Variants in FAM184B observed in about 807,000 individuals in gnomAD.
The protein encoded by FAM184B is family with sequence similarity 184 member B.
FAM184B carries 111 observed loss-of-function variants against 135.9 expected under a neutral mutation model. The observed-to-expected ratio is 0.82, with a 90% CI of 0.70 to 0.96. FAM184B has a LOEUF of 0.96. Among genes scored for constraint, FAM184B ranks in the 40% least tolerant of loss-of-function variants. FAM184B has a pLI of 0.00. For synonymous variants in FAM184B, 552 were observed against 524.8 expected (o/e 1.05, Z -0.71); for missense variants, 1,375 against 1,323.9 (o/e 1.04, Z -0.60).
intron 6 of FAM184B, among the ~76,000 whole-genome samples, chr4:17,691,289 A>C (rs577760403): frequency 6.6e-6 from 1 of 152,310 alleles, no homozygotes; most frequent in South Asian, 2.1e-4. Flanking sequence ...TAGCACCTAC[A>C]TGGTAAAGTT....
chr4:17,633,874 C>T lies in FAM184B; in HGVS notation c.2904G>A (p.Glu968=), dbSNP rs1191767839. The change falls in exon 17 of 18, where the codon GAG becomes GAA. Residue 968 remains glutamate, a synonymous_variant. Coordinates refer to ENST00000265018, the MANE Select transcript of FAM184B (RefSeq NM_015688.2). ...CGCTGACCACGCGGCTGGGCACGTC[C>T]TCCACCTTCTTTTTCTGTTTGTATT... The part of the protein sequence containing the change: ...LTPSMKKKKV[E]DVPSRVVSVP... The T allele has an allele frequency of 3.2e-6, 5 of 1,548,524 alleles. No individual in the cohort carries two copies. The highest frequency in any genetic ancestry group is 2.6e-6 in the Non-Finnish European group (3 of 1,145,618).
At chr4:17,705,478 T>C (rs983820755) in intron 4 of FAM184B, among the ~76,000 whole-genome samples, 11 of 152,238 alleles carry the variant, frequency 7.2e-5, no homozygotes, top group African/African-American at 2.7e-4. Context: ...TTGCTTGTTT[T>C]GACTGGGAAC....
intron 5 of FAM184B, among the ~76,000 whole-genome samples, chr4:17,699,935 T>C (rs1716948314): frequency 6.6e-6 from 1 of 152,006 alleles, no homozygotes; most frequent in Non-Finnish European, 1.5e-5. Context: ...AAGGGTGAAA[T>C]GAAAATGTAT....
rs752324346 is a variant in FAM184B at position 17,697,513 on chromosome 4, G to A, written c.1378-4101C>T. 3.2e-4 allele frequency among the ~76,000 whole-genome samples: 48 copies of A among 152,204 alleles called. 1 individual carries two copies. Among genetic ancestry groups the A allele is most frequent in the Admixed American group, 2.0e-4 (3 of 15,274 alleles). On this transcript the variant is annotated intron_variant, in intron 5 of 17. Transcript: ENST00000265018. ...TCTGAGAGCTCATTTTCTAAACACAGTATGTAAATTCTCCTTTGGTTTCAA... is the reference window on the plus strand; with the variant it reads ...TCTGAGAGCTCATTTTCTAAACACAATATGTAAATTCTCCTTTGGTTTCAA...
Position 17,781,174 on chromosome 4 carries a change from G to T in FAM184B, c.126C>A (p.Ile42=), listed in dbSNP as rs1286583422. The change falls in exon 1 of 18, where the codon ATC becomes ATA. Residue 42 remains isoleucine, a synonymous_variant. Coordinates refer to ENST00000265018, the MANE Select transcript of FAM184B (RefSeq NM_015688.2). This position sits in a 1 kb window ranked among gnomAD's most constrained non-coding sequence, Gnocchi z 6.5. ...PQMHVKMCKK[I]AQLTKVIYAL... ...CCCACCTTACCTTGGTGAGCTGGGC[G>T]ATCTTCTTGCACATTTTCACGTGCA... The T allele has an allele frequency of 3.2e-6, 5 of 1,546,718 alleles. No individual in the cohort carries two copies. In the African/African-American group the frequency reaches 6.9e-5, roughly 21 times the overall value.
chr4:17,754,758 C>G (rs181498354), intron 1 of FAM184B, among the ~76,000 whole-genome samples: 1 of 152,078 alleles, frequency 6.6e-6, no homozygotes, highest in East Asian at 1.9e-4. Context: ...TATTGTCATT[C>G]TGAGACTTTC....
chr4:17,726,522 C>T lies in FAM184B; in HGVS notation c.142-16878G>A, dbSNP rs530652083. 2.6e-5 allele frequency among the ~76,000 whole-genome samples: 4 copies of T among 152,194 alleles called. No homozygotes were observed. The East Asian group carries it at 7.8e-4, about 29-fold the overall frequency. On this transcript the variant is annotated intron_variant, in intron 1 of 17. Transcript: ENST00000265018. ...GAGTAGCTGGGATTACAGGTATGTG[C>T]CACCATGCTTGGCTAATTTTTGTAT...
At chr4:17,704,223 T>G (rs1717055784) in intron 5 of FAM184B, among the ~76,000 whole-genome samples, 1 of 152,210 alleles carries the variant, frequency 6.6e-6, no homozygotes, top group Non-Finnish European at 1.5e-5. Context: ...TCCACCTACA[T>G]TCACAATGAT....
intron 5 of FAM184B, among the ~76,000 whole-genome samples, chr4:17,698,127 A>G (rs540847086): frequency 7.2e-5 from 11 of 152,276 alleles, no homozygotes; most frequent in African/African-American, 1.7e-4. Flanking sequence ...GATATTGAGA[A>G]AAAAGGAGAC....
At chr4:17,760,863 T>C (rs144517367) in intron 1 of FAM184B, among the ~76,000 whole-genome samples, 1 of 152,196 alleles carries the variant, frequency 6.6e-6, no homozygotes, top group Non-Finnish European at 1.5e-5. Flanking sequence ...GGATTTTCAG[T>C]TGAGTCGTGC....
At chr4:17,650,149 C>T (rs1715576207) in intron 11 of FAM184B, among the ~76,000 whole-genome samples, 1 of 151,872 alleles carries the variant, frequency 6.6e-6, no homozygotes, top group Non-Finnish European at 1.5e-5. Flanking sequence ...CCTGTCCACC[C>T]AACTACCCAT....
chr4:17,720,614 G>A (rs181826651), intron 1 of FAM184B, among the ~76,000 whole-genome samples: 396 of 152,160 alleles, frequency 2.6e-3, no homozygotes, highest in Middle Eastern at 3.4e-3. Context: ...AGGGCGAGGC[G>A]CGGTGGCTCA....
chr4:17,691,041 C>CTCATG (rs1716720060), intron 6 of FAM184B, among the ~76,000 whole-genome samples: 1 of 152,100 alleles, frequency 6.6e-6, no homozygotes, highest in Non-Finnish European at 1.5e-5. Context: ...AATGGTCAAC[C>CTCATG]TCTTGGTCAT....
chr4:17,759,660 C>T (rs868373377), intron 1 of FAM184B, among the ~76,000 whole-genome samples: 11 of 151,904 alleles, frequency 7.2e-5, no homozygotes, highest in Admixed American at 5.9e-4. Flanking sequence ...ATCCAGCTAA[C>T]TTTTTTTGTA....
chr4:17,725,358 G>A (rs1717615596), intron 1 of FAM184B, among the ~76,000 whole-genome samples: 1 of 152,148 alleles, frequency 6.6e-6, no homozygotes, highest in Admixed American at 6.5e-5. Flanking sequence ...TGCTGCCTGG[G>A]AAAAAGAGGC....
chr4:17,661,411 G>A (rs181955083), intron 8 of FAM184B, among the ~76,000 whole-genome samples: 24 of 152,122 alleles, frequency 1.6e-4, no homozygotes, highest in Middle Eastern at 6.8e-3. Flanking sequence ...AATTAGCTTA[G>A]TGTGGTGGCA....
chr4:17,687,698 A>C (rs182473307), intron 7 of FAM184B, among the ~76,000 whole-genome samples: 2 of 152,288 alleles, frequency 1.3e-5, no homozygotes, highest in Admixed American at 1.3e-4. Context: ...ACAGAGGCAG[A>C]GATCGGAGTG....
intron 10 of FAM184B, among the ~76,000 whole-genome samples, chr4:17,657,416 T>C (rs6844593): frequency 0.69 from 104,157 of 151,410 alleles, 36,320 homozygotes; most frequent in East Asian, 0.93. Context: ...CCTGGCATCG[T>C]AGCTCTCTTT....
At chr4:17,731,377 A>G in intron 1 of FAM184B, among the ~76,000 whole-genome samples, 1 of 152,240 alleles carries the variant, frequency 6.6e-6, no homozygotes, top group East Asian at 1.9e-4. Context: ...AAAGGCACAG[A>G]CTGGCAAATT....
Sources: allele counts gnomAD v4.1 joint callset (sites outside exome capture counted in the v4.1 genomes callset), GRCh38; gene constraint gnomAD v4.1.1; non-coding constraint Gnocchi (gnomAD v3.1); transcripts MANE v1.5; gene names NCBI Gene and HGNC (gene_info 2026-07-23, HGNC 2026-07-21).